The following WDR88 variants were observed in gnomAD, a reference collection of about 807,000 sequenced individuals.
The protein encoded by WDR88 is WD repeat-containing protein 88.
Under a neutral mutation model 46.8 loss-of-function variants are expected in WDR88, and 40 were observed. The observed-to-expected ratio is 0.86, with a 90% confidence interval of 0.66 to 1.11. The LOEUF is 1.11. Ranked by LOEUF, WDR88 falls within the 50% of genes most tolerant of loss-of-function variation. The pLI is 0.00. For missense variants in WDR88, 562 were observed against 602.4 expected (o/e 0.93, Z 0.70); for synonymous variants, 235 against 240.7 (o/e 0.98, Z 0.22).
intron 2 of WDR88, among the ~76,000 whole-genome samples, chr19:33,141,175 G>T (rs1179477169): frequency 2.0e-5 from 3 of 149,016 alleles, no homozygotes; most frequent in African/African-American, 7.5e-5. Context: ...TGGCTCAAGC[G>T]ACTCTCCTGC....
chr19:33,174,282 C>G (rs4805855), intron 10 of WDR88: 181,339 of 1,532,502 alleles, frequency 0.12, 14,693 homozygotes, highest in Admixed American at 0.35. Context: ...CAGGCTTCCC[C>G]GAGGCCTGCC....
intron 10 of WDR88, among the ~76,000 whole-genome samples, chr19:33,172,718 C>T (rs1974058742): frequency 6.6e-6 from 1 of 151,940 alleles, no homozygotes; most frequent in African/African-American, 2.4e-5. Context: ...AAAGGGTGGT[C>T]AGGATAGGTC....
intron 5 of WDR88, among the ~76,000 whole-genome samples, chr19:33,150,233 C>G (rs934804082): frequency 7.9e-5 from 12 of 151,988 alleles, no homozygotes; most frequent in African/African-American, 2.9e-4. Flanking sequence ...TGGTGGATCA[C>G]CTGAGCTCAA....
At position 33,148,548 on chromosome 19, in the gene WDR88, C is replaced by T. The variant is rs369949109; in HGVS notation, c.541-224C>T. 2.9e-4 allele frequency among the ~76,000 whole-genome samples: 44 copies of T among 152,220 alleles called. No homozygotes were observed. In the South Asian group the frequency reaches 8.1e-3, roughly 28 times the overall value. On this transcript the variant is annotated intron_variant, in intron 4 of 10. Transcript: ENST00000355868. ...CTCAAACTCCTGGGCTCAGATGATC[C>T]TCCCGCCACAGCCTCATAAGTAGCT...
chr19:33,174,097 C>T (rs1248717765), intron 10 of WDR88: 10 of 1,451,678 alleles, frequency 6.9e-6, no homozygotes, highest in South Asian at 1.2e-5. Context: ...AGTGATCCGC[C>T]CGCCTCAGCC....
At chr19:33,136,483 G>A (rs373462436) in intron 1 of WDR88, among the ~76,000 whole-genome samples, 2 of 151,332 alleles carry the variant, frequency 1.3e-5, no homozygotes, top group East Asian at 2.0e-4. Flanking sequence ...GAGCCACCGC[G>A]CCCGGCCACA....
intron 6 of WDR88, among the ~76,000 whole-genome samples, chr19:33,152,254 C>T (rs1160897661): frequency 7.2e-6 from 1 of 138,520 alleles, no homozygotes; most frequent in East Asian, 2.1e-4. Flanking sequence ...TATATATATA[C>T]ACGCACACAA....
chr19:33,151,234 G>C lies in WDR88; in HGVS notation c.733G>C (p.Val245Leu). ...CTGCTTTGACCCCGACAGCCAGAGG[G>C]TGGCTTCTGTCTCATTGGACAGGTG... is the stretch of plus-strand genomic sequence containing the variant. ...SCCFDPDSQR[V>L]ASVSLDRCIK... Residue 245 changes from valine (V) to leucine (L), a missense_variant, in exon 6 of 11, where the codon GTG becomes CTG. Physicochemically the swap from Val to Leu is conservative, Grantham distance 32. Coordinates refer to ENST00000355868, the MANE Select transcript of WDR88 (RefSeq NM_173479.4). 1 of 1,613,812 alleles carries C rather than the reference G, an allele frequency of 6.2e-7. No homozygotes were observed.
In WDR88 at chr19:33,142,503, G is replaced by T. The variant is rs181327180; in HGVS notation, c.388-2341G>T. Among the ~76,000 whole-genome samples the T allele has an allele frequency of 2.0e-5, 3 of 152,116 alleles. No homozygotes were observed. The East Asian group carries it at 5.8e-4, about 30-fold the overall frequency. On this transcript the variant is annotated intron_variant, in intron 2 of 10. Transcript: ENST00000355868. ...GAAGGAGGGCATATGAGGTGGCAGA[G>T]GTGACAGTGCCTGCATTGTGGATGG...
rs1973474750 is a variant in WDR88 at position 33,144,707 on chromosome 19, A to C, written c.388-137A>C. 3 of 744,756 alleles carry C rather than the reference A, an allele frequency of 4.0e-6. No homozygotes were observed. In the East Asian group the frequency reaches 8.1e-5, roughly 20 times the overall value. 46.1% of individuals were successfully genotyped at this position (744,756 alleles called of 1,614,324 possible). On this transcript the variant is annotated intron_variant, in intron 2 of 10. Coordinates refer to ENST00000355868, the MANE Select transcript of WDR88 (RefSeq NM_173479.4). ...AAAGTCCTTTCCTCTTTCGGAGCTG[A>C]GTGAGAGTCCCAGGACCTTGGAGTT...
At chr19:33,151,832 A>C (rs779339900) in intron 6 of WDR88, among the ~76,000 whole-genome samples, 18 of 152,024 alleles carry the variant, frequency 1.2e-4, no homozygotes, top group Admixed American at 3.3e-4. Flanking sequence ...GTGAGCTATG[A>C]TTGCACCACT....
chr19:33,133,197 AT>A (rs1973171706), intron 1 of WDR88, among the ~76,000 whole-genome samples: 1 of 26,500 alleles, frequency 3.8e-5, no homozygotes, highest in African/African-American at 7.1e-5. Flanking sequence ...ATAAATAAAT[AT>A]AGAGAGAGAG....
chr19:33,133,567 C>T (rs867274991), intron 1 of WDR88, among the ~76,000 whole-genome samples: 1 of 152,154 alleles, frequency 6.6e-6, no homozygotes, highest in Non-Finnish European at 1.5e-5. Context: ...CAATAAGTAG[C>T]GTTTCATGCT....
intron 7 of WDR88, among the ~76,000 whole-genome samples, chr19:33,157,473 G>C (rs1973758022): frequency 6.7e-6 from 1 of 148,648 alleles, no homozygotes; most frequent in African/African-American, 2.5e-5. Flanking sequence ...ACTCCAGCCT[G>C]GGTGACAGAG....
At chr19:33,167,640 T>TTCCC (rs1363814842) in intron 9 of WDR88, among the ~76,000 whole-genome samples, 1 of 151,880 alleles carries the variant, frequency 6.6e-6, no homozygotes, top group Non-Finnish European at 1.5e-5. Context: ...CTTCCTTTCC[T>TTCCC]TCCCTCCCTC....
At chr19:33,156,642 G>C in intron 7 of WDR88, 100 bp downstream of exon 7, 1 of 1,348,984 alleles carries the variant, frequency 7.4e-7, no homozygotes, top group Non-Finnish European at 1.0e-6. Context: ...TTCCAATGAT[G>C]CTGACAGGGA....
At position 33,135,025 on chromosome 19, in the gene WDR88, G is replaced by C. The variant is rs956796806; in HGVS notation, c.276+2580G>C. Among the ~76,000 whole-genome samples, 33 of 141,168 alleles carry C rather than the reference G, an allele frequency of 2.3e-4. 1 individual carries two copies. In the Admixed American group the frequency reaches 2.3e-3, roughly 10 times the overall value. 92.6% of individuals were successfully genotyped at this position (141,168 alleles called of 152,430 possible). The stretch of plus-strand genomic sequence containing the variant: ...ACACTTCCGCAGCTCAACCTGGGAC[G>C]TGTCGCCATGCGCGAGCTGGGGTGG... On this transcript the variant is annotated intron_variant, in intron 1 of 10. Coordinates refer to ENST00000355868, the MANE Select transcript of WDR88 (RefSeq NM_173479.4).
rs1973303655 is a variant in WDR88, at chr19:33,137,725, C to A, written c.325C>A (p.His109Asn). The change falls in exon 2 of 11, where the codon CAC becomes AAC. Residue 109 changes from histidine (H) to asparagine (N), a missense_variant. His to Asn is a moderately conservative substitution (Grantham distance 68). Transcript: ENST00000355868. Reference protein sequence around the residue: ...SGHEHAVSTCHFCVDDTKLLS... With the variant: ...SGHEHAVSTCNFCVDDTKLLS... ...GCACGAGCACGCTGTGAGCACCTGC[C>A]ACTTCTGTGTGGATGACACAAAGCT... The A allele has an allele frequency of 6.2e-7, 1 of 1,613,856 alleles. No individual in the cohort carries two copies. Among genetic ancestry groups the A allele is most frequent in the South Asian group, 1.1e-5 (1 of 91,066 alleles).
chr19:33,135,764 A>T (rs775973566), intron 1 of WDR88, among the ~76,000 whole-genome samples: 1 of 152,232 alleles, frequency 6.6e-6, no homozygotes, highest in Non-Finnish European at 1.5e-5. Flanking sequence ...CGTTCCTACC[A>T]GCAATGTAGG....
Sources: gnomAD v4.1 joint callset for allele counts (sites outside exome capture counted in the v4.1 genomes callset) on GRCh38, gnomAD v4.1.1 for gene constraint, MANE v1.5 for transcripts, NCBI Gene and HGNC (gene_info 2026-07-23, HGNC 2026-07-21) for gene names.